The following PINX1 variants were observed in gnomAD, a reference collection of about 807,000 sequenced individuals.
The protein encoded by PINX1 is PIN2/TERF1-interacting telomerase inhibitor 1.
In PINX1, 34 loss-of-function variants were observed where a neutral mutation model predicts 25.4. The ratio of observed to expected loss-of-function variants is 1.34; its 90% CI spans 1.02 to 1.78. The LOEUF (loss-of-function observed/expected upper bound fraction) is 1.78, where lower values mean the gene tolerates loss of function less well. Among genes scored for constraint, PINX1 ranks in the 40% most tolerant of loss-of-function variants. PINX1 has a pLI of 0.00. For synonymous variants in PINX1, 197 were observed against 147.7 expected (o/e 1.33, Z -2.42); for missense variants, 592 against 404.9 (o/e 1.46, Z -3.97).
chr8:10,801,745 G>C (rs1051122344), intron 6 of PINX1, among the ~76,000 whole-genome samples: 1 of 152,152 alleles, frequency 6.6e-6, no homozygotes, highest in African/African-American at 2.4e-5. Context: ...TAATGAAAAA[G>C]AATTTGTGGT....
intron 5 of PINX1, among the ~76,000 whole-genome samples, chr8:10,823,586 A>T (rs1017863638): frequency 2.0e-5 from 3 of 152,232 alleles, no homozygotes; most frequent in Non-Finnish European, 4.4e-5. Flanking sequence ...TAAAACTGAC[A>T]TTTAAAATTA....
At chr8:10,818,174 A>AAG (rs1224004092) in intron 6 of PINX1, among the ~76,000 whole-genome samples, 10 of 152,152 alleles carry the variant, frequency 6.6e-5, no homozygotes, top group Middle Eastern at 3.4e-3. Flanking sequence ...ACTGAACTGG[A>AAG]AGAGAGAGAG....
chr8:10,839,874 A>T lies in PINX1; in HGVS notation c.-118T>A. The T allele has an allele frequency of 2.9e-6, 3 of 1,019,348 alleles. No homozygotes were observed. Among genetic ancestry groups the T allele is most frequent in the Non-Finnish European group, 4.3e-6 (3 of 700,216 alleles). 63.1% of individuals were successfully genotyped at this position (1,019,348 alleles called of 1,614,324 possible). ...CTCCCTCGCCGGCGGACTGCAGCGG[A>T]CGGGGCGCGTGCTGGTGACGTCAGT... is the stretch of plus-strand genomic sequence containing the variant. On this transcript the variant is annotated 5_prime_UTR_variant, in exon 1 of 7. Transcript: ENST00000314787.
chr8:10,822,128 GA>G (rs1797897299), intron 5 of PINX1: 1 of 152,142 alleles, frequency 6.6e-6, no homozygotes, highest in African/African-American at 2.4e-5. Context: ...ATTTGATCTG[GA>G]AAACAAGAAC....
intron 1 of PINX1, among the ~76,000 whole-genome samples, chr8:10,835,222 C>T (rs4841453): frequency 0.055 from 8,388 of 152,212 alleles, 275 homozygotes; most frequent in Middle Eastern, 0.1. Flanking sequence ...TAGTAAATGC[C>T]AATTATTCAA....
At chr8:10,809,651 A>G (rs1563223742) in intron 6 of PINX1, among the ~76,000 whole-genome samples, 1 of 152,234 alleles carries the variant, frequency 6.6e-6, no homozygotes, top group African/African-American at 2.4e-5. Context: ...CAAAGAAGTG[A>G]AGTTCAAGAG....
In PINX1 at chr8:10,765,774, G is replaced by T; in HGVS notation, c.614C>A (p.Thr205Lys). 1 of 1,613,774 alleles carries T rather than the reference G, an allele frequency of 6.2e-7. No homozygotes were observed. Among genetic ancestry groups the T allele is most frequent in the Non-Finnish European group, 8.5e-7 (1 of 1,179,880 alleles). Residue 205 changes from threonine to lysine, a missense_variant, in exon 7 of 7, where the codon ACG (threonine) becomes AAG (lysine). Thr to Lys is a moderately conservative substitution (Grantham distance 78, BLOSUM62 -1). Coordinates refer to ENST00000314787, the MANE Select transcript of PINX1 (RefSeq NM_017884.6). ...CTTCCCCCTTTTACGTTCCACCTGC[G>T]TCTCAGAAATGTCAGACCCTGGAAC... ...VPVPGSDISE[T>K]QVERKRGKKR... is the part of the protein sequence containing the mutation.
At chr8:10,787,008 G>A (rs996812669) in intron 6 of PINX1, among the ~76,000 whole-genome samples, 3 of 152,022 alleles carry the variant, frequency 2.0e-5, no homozygotes, top group Non-Finnish European at 4.4e-5. Flanking sequence ...TGTGTGGAGG[G>A]GTAGGCAACA....
intron 1 of PINX1, among the ~76,000 whole-genome samples, chr8:10,838,670 A>C (rs1020621123): frequency 2.6e-5 from 4 of 152,314 alleles, no homozygotes; most frequent in African/African-American, 9.6e-5. Flanking sequence ...CTGACTCCTC[A>C]TTTTTTACTG....
intron 6 of PINX1, among the ~76,000 whole-genome samples, chr8:10,793,928 G>A (rs1301623465): frequency 6.6e-6 from 1 of 152,160 alleles, no homozygotes; most frequent in Non-Finnish European, 1.5e-5. Context: ...TCTAGTAACA[G>A]ATTCAAAGAG....
intron 6 of PINX1, among the ~76,000 whole-genome samples, chr8:10,766,867 C>T (rs749760993): frequency 6.6e-6 from 1 of 152,078 alleles, no homozygotes; most frequent in Non-Finnish European, 1.5e-5. Flanking sequence ...GAATGAAATG[C>T]TGGAATCGCC....
chr8:10,812,842 T>G (rs1326482824), intron 6 of PINX1, among the ~76,000 whole-genome samples: 1 of 152,216 alleles, frequency 6.6e-6, no homozygotes, highest in Non-Finnish European at 1.5e-5. Flanking sequence ...CCGCCCAGCC[T>G]GCGCTCAGGA....
chr8:10,786,775 G>C (rs1801761485), intron 6 of PINX1, among the ~76,000 whole-genome samples: 2 of 152,108 alleles, frequency 1.3e-5, no homozygotes, highest in African/African-American at 2.4e-5. Context: ...AGTCCTGAAA[G>C]CACTCCTAGG....
intron 6 of PINX1, among the ~76,000 whole-genome samples, chr8:10,784,570 C>G (rs938832756): frequency 2.6e-5 from 4 of 152,312 alleles, no homozygotes; most frequent in African/African-American, 9.6e-5. Context: ...CCTAAGTTAG[C>G]TTTTCTGCTT....
At chr8:10,829,647 T>A (rs1010168351) in intron 4 of PINX1, among the ~76,000 whole-genome samples, 1 of 152,168 alleles carries the variant, frequency 6.6e-6, no homozygotes, top group Non-Finnish European at 1.5e-5. Context: ...TGCATTCTAT[T>A]TAATCTCCAA....
intron 6 of PINX1, among the ~76,000 whole-genome samples, chr8:10,806,793 A>G (rs902561187): frequency 1.3e-5 from 2 of 152,098 alleles, no homozygotes; most frequent in African/African-American, 4.8e-5. Flanking sequence ...CGCTCCTGAC[A>G]GGAGGGAGGC....
chr8:10,808,697 G>A (rs888318906), intron 6 of PINX1, among the ~76,000 whole-genome samples: 3 of 152,172 alleles, frequency 2.0e-5, no homozygotes, highest in African/African-American at 4.8e-5. Context: ...ATCTTAACTC[G>A]GAAGGAAGCC....
At chr8:10,827,789 T>C (rs1798102843) in intron 4 of PINX1, among the ~76,000 whole-genome samples, 1 of 150,730 alleles carries the variant, frequency 6.6e-6, no homozygotes. Context: ...CGGGCACCTG[T>C]AGTCCCAGCT....
chr8:10,778,371 G>A (rs778563338), intron 6 of PINX1, among the ~76,000 whole-genome samples: 3 of 152,014 alleles, frequency 2.0e-5, no homozygotes, highest in Non-Finnish European at 4.4e-5. Flanking sequence ...TTTGCAAATT[G>A]TTGTCGATGA....
Sources: allele counts gnomAD v4.1 joint callset (sites outside exome capture counted in the v4.1 genomes callset), GRCh38; gene constraint gnomAD v4.1.1; transcripts MANE v1.5; gene names NCBI Gene and HGNC (gene_info 2026-07-23, HGNC 2026-07-21).